Variants in KCTD16 observed in about 807,000 individuals in gnomAD.
KCTD16 encodes BTB/POZ domain-containing protein KCTD16.
KCTD16 carries 13 observed loss-of-function variants against 33.2 expected under a neutral mutation model. The observed-to-expected ratio is 0.39, with a 90% CI of 0.25 to 0.62. KCTD16 has a LOEUF of 0.62. Ranked by LOEUF, KCTD16 falls within the 20% of genes least tolerant of loss-of-function variation. The probability of loss-of-function intolerance (pLI) is 0.50; values close to 1 mark genes in which losing one functional copy is unlikely to be tolerated. For missense variants in KCTD16, 441 were observed against 525.1 expected, an observed-to-expected ratio of 0.84 and a Z score of 1.57; for synonymous variants, 197 against 195.3, an observed-to-expected ratio of 1.01 and a Z score of -0.07.
chr5:144,397,771 T>G (rs1004734145), intron 3 of KCTD16, among the ~76,000 whole-genome samples: 2 of 152,208 alleles, frequency 1.3e-5, no homozygotes, highest in African/African-American at 2.4e-5. Flanking sequence ...GGCATCACGC[T>G]ACCTGACTTC....
intron 3 of KCTD16, among the ~76,000 whole-genome samples, chr5:144,299,878 T>G (rs1751380788): frequency 6.8e-6 from 1 of 148,036 alleles, no homozygotes; most frequent in Non-Finnish European, 1.5e-5. Context: ...CATTAGATTA[T>G]CTGATTCACC....
intron 3 of KCTD16, among the ~76,000 whole-genome samples, chr5:144,422,584 G>A (rs1753234965): frequency 6.6e-6 from 1 of 152,252 alleles, no homozygotes; most frequent in African/African-American, 2.4e-5. Flanking sequence ...GGAAATGTGG[G>A]ATAGTATTGA....
At chr5:144,416,792 A>G (rs1753063981) in intron 3 of KCTD16, among the ~76,000 whole-genome samples, 1 of 152,080 alleles carries the variant, frequency 6.6e-6, no homozygotes, top group Non-Finnish European at 1.5e-5. Context: ...TTCCTCCTAC[A>G]ATCTCCTGTA....
intron 3 of KCTD16, among the ~76,000 whole-genome samples, chr5:144,395,284 T>G (rs1752543980): frequency 6.6e-6 from 1 of 152,168 alleles, no homozygotes; most frequent in East Asian, 1.9e-4. Flanking sequence ...CAGATAAGCA[T>G]GGGGAGGCGA....
chr5:144,366,915 G>A lies in KCTD16; in HGVS notation c.833-106745G>A, dbSNP rs138337948. Among the ~76,000 whole-genome samples, 28 of 152,292 alleles carry A rather than the reference G, an allele frequency of 1.8e-4. No individual in the cohort carries two copies. In the East Asian group the frequency reaches 4.4e-3, roughly 24 times the overall value. On this transcript the variant is annotated intron_variant, in intron 3 of 3. Coordinates refer to ENST00000512467, the MANE Select transcript of KCTD16 (RefSeq NM_020768.4). ...GAGAGAGTGGATCCTTTTAGCCCTG[G>A]CCATATTGAGCAGAAATCTGAGAAA... is the stretch of plus-strand genomic sequence containing the variant.
chr5:144,229,278 GA>G (rs1754027814), intron 3 of KCTD16, among the ~76,000 whole-genome samples: 1 of 152,200 alleles, frequency 6.6e-6, no homozygotes, highest in East Asian at 1.9e-4. Flanking sequence ...ACATGAAGGA[GA>G]GGGGGGACAA....
In KCTD16 at chr5:144,212,823, G is replaced by A. The variant is rs559956256; in HGVS notation, c.832+5277G>A. 9.2e-5 allele frequency among the ~76,000 whole-genome samples: 14 copies of A among 152,204 alleles called. No homozygotes were observed. In the South Asian group the frequency reaches 2.7e-3, roughly 29 times the overall value. On this transcript the variant is annotated intron_variant, in intron 3 of 3. Coordinates refer to ENST00000512467, the MANE Select transcript of KCTD16 (RefSeq NM_020768.4). ...CAGAAATTTTGAAATGTATCCAAAT[G>A]TAGAGATAATGGCATAATGAACTTT...
intron 2 of KCTD16, among the ~76,000 whole-genome samples, chr5:144,202,787 A>G (rs918702752): frequency 6.6e-6 from 1 of 152,224 alleles, no homozygotes; most frequent in African/African-American, 2.4e-5. Flanking sequence ...ATACCAATTC[A>G]AAATGTTTCA....
At chr5:144,178,305 T>C (rs537850842) in intron 2 of KCTD16, among the ~76,000 whole-genome samples, 1 of 152,314 alleles carries the variant, frequency 6.6e-6, no homozygotes, top group African/African-American at 2.4e-5. Context: ...GGCATTCTGA[T>C]TTTTCAGTTT....
At chr5:144,421,809 T>C (rs1753217986) in intron 3 of KCTD16, among the ~76,000 whole-genome samples, 1 of 152,060 alleles carries the variant, frequency 6.6e-6, no homozygotes, top group South Asian at 2.1e-4. Context: ...AGTCAACCCT[T>C]AGAATCCAGG....
Position 144,206,762 on chromosome 5 carries a change from G to C in KCTD16, c.48G>C (p.Gly16=). Residue 16 remains glycine, a synonymous_variant, in exon 3 of 4, where the codon GGG becomes GGC. Coordinates refer to ENST00000512467, the MANE Select transcript of KCTD16 (RefSeq NM_020768.4). Reference sequence around the variant, plus strand: ...GTCGTTATTATCCTCGAGAACAAGGGTCCGCAGTTCCCAACTCCTTCCCTG... The same window carrying C: ...GTCGTTATTATCCTCGAGAACAAGGCTCCGCAGTTCCCAACTCCTTCCCTG... The part of the protein sequence containing the change: ...NCSRYYPREQ[G]SAVPNSFPEV... 1 of 1,614,078 alleles carries C rather than the reference G, an allele frequency of 6.2e-7. No individual in the cohort carries two copies. Among genetic ancestry groups the C allele is most frequent in the South Asian group, 1.1e-5 (1 of 91,068 alleles).
intron 3 of KCTD16, among the ~76,000 whole-genome samples, chr5:144,343,795 G>A (rs1376363556): frequency 1.3e-5 from 2 of 152,120 alleles, no homozygotes; most frequent in Admixed American, 6.6e-5. Flanking sequence ...GTTCTCATTG[G>A]TTTCAAAGAA....
At chr5:144,196,738 G>A (rs1752946718) in intron 2 of KCTD16, among the ~76,000 whole-genome samples, 1 of 152,178 alleles carries the variant, frequency 6.6e-6, no homozygotes, top group Admixed American at 6.5e-5. Flanking sequence ...ATGGCAACCA[G>A]ATTTATCAGG....
intron 3 of KCTD16, among the ~76,000 whole-genome samples, chr5:144,245,650 A>G (rs930090980): frequency 6.6e-6 from 1 of 152,194 alleles, no homozygotes; most frequent in Non-Finnish European, 1.5e-5. Flanking sequence ...TGATTGGATC[A>G]TGGAGGCTGT....
At chr5:144,212,395 A>G (rs980099534) in intron 3 of KCTD16, among the ~76,000 whole-genome samples, 2 of 152,280 alleles carry the variant, frequency 1.3e-5, no homozygotes, top group East Asian at 1.9e-4. Flanking sequence ...CAGGGAAGGT[A>G]TTTGGCAGCA....
At chr5:144,281,784 T>TA (rs1350459507) in intron 3 of KCTD16, among the ~76,000 whole-genome samples, 1 of 152,202 alleles carries the variant, frequency 6.6e-6, no homozygotes, top group Non-Finnish European at 1.5e-5. Flanking sequence ...AGATAAGTGT[T>TA]AAAGTTTCCA....
chr5:144,347,735 G>T (rs1265840469), intron 3 of KCTD16, among the ~76,000 whole-genome samples: 3 of 152,198 alleles, frequency 2.0e-5, no homozygotes, highest in African/African-American at 7.2e-5. Context: ...CACTGAATGC[G>T]CTGACAGCTG....
At chr5:144,289,534 C>T (rs1755837690) in intron 3 of KCTD16, among the ~76,000 whole-genome samples, 1 of 152,190 alleles carries the variant, frequency 6.6e-6, no homozygotes, top group South Asian at 2.1e-4. Context: ...TCTACTGATT[C>T]CATGCTCGTA....
At chr5:144,340,862 C>A (rs1161899481) in intron 3 of KCTD16, among the ~76,000 whole-genome samples, 3 of 151,666 alleles carry the variant, frequency 2.0e-5, no homozygotes, top group African/African-American at 7.3e-5. Context: ...CCAGCCTGAC[C>A]AACATGGTGA....
Sources: allele counts gnomAD v4.1 joint callset (sites outside exome capture counted in the v4.1 genomes callset), GRCh38; gene constraint gnomAD v4.1.1; transcripts MANE v1.5; gene names NCBI Gene and HGNC (gene_info 2026-07-23, HGNC 2026-07-21).